The following HLCS variants were observed in gnomAD, a reference collection of about 807,000 sequenced individuals.
HLCS encodes the protein biotin--protein ligase.
HLCS carries 53 observed loss-of-function variants against 75.0 expected under a neutral mutation model. That is an observed-to-expected ratio of 0.71 (90% CI 0.57 to 0.89). The LOEUF is 0.89. Ranked by LOEUF, HLCS falls within the 40% of genes least tolerant of loss-of-function variation. The probability of loss-of-function intolerance (pLI) is 0.00; values close to 1 mark genes in which losing one functional copy is unlikely to be tolerated. For missense variants in HLCS, 966 were observed against 1,074.0 expected, an observed-to-expected ratio of 0.90 and a Z score of 1.41; for synonymous variants, 431 against 428.6, an observed-to-expected ratio of 1.01 and a Z score of -0.07.
intron 6 of HLCS, among the ~76,000 whole-genome samples, chr21:36,778,507 G>A (rs189673804): frequency 1.5e-4 from 22 of 150,558 alleles, no homozygotes; most frequent in Admixed American, 5.3e-4. Context: ...TCTAACTCCC[G>A]ACCTCAGGCG....
chr21:36,888,445 A>AAATATAT (rs2064596202), intron 6 of HLCS, among the ~76,000 whole-genome samples: 1 of 24,108 alleles, frequency 4.1e-5, no homozygotes, highest in Admixed American at 7.5e-4. Context: ...AAAAAAAAAA[A>AAATATAT]ATATATATAT....
chr21:36,966,518 C>A lies in HLCS; in HGVS notation c.121G>T (p.Ala41Ser). 2 of 987,248 alleles carry A rather than the reference C, an allele frequency of 2.0e-6. No individual in the cohort carries two copies. The highest frequency in any genetic ancestry group is 9.2e-5 in the South Asian group (2 of 21,652). The allele number at this position is 987,248 out of a possible 1,614,324, so 61.2% of individuals were successfully genotyped here. A position where few individuals can be genotyped will look rare whatever the true frequency, so the allele number is the denominator to read the frequency against. ...CGGGCGCCCGGGGGCTGCGCGGCCGCGCCGCAGAAGGTGAAGGAACAGCGC... is the reference window on the plus strand; with the variant it reads ...CGGGCGCCCGGGGGCTGCGCGGCCGAGCCGCAGAAGGTGAAGGAACAGCGC... ...ASRCSFTFCG[A>S]AAQPPGARVC... The change falls in exon 1 of 11, where the codon GCG becomes TCG. Residue 41 changes from alanine (A) to serine (S), a missense_variant. Physicochemically the swap from Ala to Ser is moderately conservative, Grantham distance 99. Coordinates refer to ENST00000674895, the MANE Select transcript of HLCS (RefSeq NM_001352514.2).
intron 6 of HLCS, among the ~76,000 whole-genome samples, chr21:36,876,189 G>A (rs911214489): frequency 6.6e-6 from 1 of 152,160 alleles, no homozygotes; most frequent in African/African-American, 2.4e-5. Context: ...GATCCAGGCT[G>A]AGAGTGCGAG....
At chr21:36,767,674 C>G (rs868585748) in intron 6 of HLCS, among the ~76,000 whole-genome samples, 1 of 152,064 alleles carries the variant, frequency 6.6e-6, no homozygotes, top group African/African-American at 2.4e-5. Context: ...CAATTCCTGA[C>G]ATTTGTTCCT....
In HLCS at chr21:36,873,463, A is replaced by G. The variant is rs1002514022; in HGVS notation, c.1892+23397T>C. On this transcript the variant is annotated intron_variant, in intron 6 of 10. Transcript: ENST00000674895. ...GAAGTGTTGTTCAAATCTTTTGCCCATTTTTAAATTGGAGTATTTGTCATT... is the reference window on the plus strand; with the variant it reads ...GAAGTGTTGTTCAAATCTTTTGCCCGTTTTTAAATTGGAGTATTTGTCATT... Among the ~76,000 whole-genome samples the G allele has an allele frequency of 7.2e-5, 11 of 152,178 alleles. 1 individual carries two copies. Among genetic ancestry groups the G allele is most frequent in the African/African-American group, 2.4e-4 (10 of 41,450 alleles).
intron 2 of HLCS, among the ~76,000 whole-genome samples, chr21:36,942,398 CAAAAAAAAAAAAAAAA>C (rs55999516): frequency 6.2e-5 from 5 of 80,972 alleles, no homozygotes; most frequent in African/African-American, 2.0e-4. Context: ...GACTCCGTCT[CAAAAAAAAAAAAAAAA>C]AAAAAAAAAA....
intron 6 of HLCS, among the ~76,000 whole-genome samples, chr21:36,879,813 G>T (rs1288700575): frequency 6.6e-6 from 1 of 152,072 alleles, no homozygotes; most frequent in Non-Finnish European, 1.5e-5. Context: ...AAGAGGCTGA[G>T]GTGGGAGGAC....
intron 5 of HLCS, among the ~76,000 whole-genome samples, chr21:36,899,738 G>C (rs1332234767): frequency 6.6e-6 from 1 of 152,242 alleles, no homozygotes; most frequent in East Asian, 1.9e-4. Context: ...CACAGGCTCT[G>C]AGGACGGAGC....
intron 6 of HLCS, among the ~76,000 whole-genome samples, chr21:36,791,886 C>T (rs912132287): frequency 3.3e-5 from 5 of 152,102 alleles, no homozygotes; most frequent in Admixed American, 2.6e-4. Flanking sequence ...AAAAGAACAA[C>T]CAAGTTAGAA....
intron 7 of HLCS, among the ~76,000 whole-genome samples, chr21:36,765,649 TTTATTA>T (rs144248260): frequency 0.01 from 1,530 of 152,262 alleles, 33 homozygotes; most frequent in African/African-American, 0.035. Context: ...TTTATTTATT[TTTATTA>T]TTATTTTTTA....
chr21:36,890,845 G>A (rs1418760481), intron 6 of HLCS, among the ~76,000 whole-genome samples: 3 of 152,170 alleles, frequency 2.0e-5, no homozygotes, highest in Non-Finnish European at 4.4e-5. Flanking sequence ...ATCTTCACCT[G>A]TGATCCTAAA....
chr21:36,963,980 G>C (rs2068439884), intron 1 of HLCS, among the ~76,000 whole-genome samples: 1 of 152,186 alleles, frequency 6.6e-6, no homozygotes, highest in Non-Finnish European at 1.5e-5. Context: ...CCAGCACTTT[G>C]GGAGGCCAAG....
intron 9 of HLCS, 66 bp from the exon 10 acceptor site, chr21:36,756,821 A>G (rs2845804): frequency 1.2e-6 from 2 of 1,610,256 alleles, no homozygotes; most frequent in East Asian, 2.2e-5. Context: ...TCTCTGCCAC[A>G]TGGAAAAAGT....
chr21:36,976,510 G>C (rs1601934248), intron 1 of HLCS, among the ~76,000 whole-genome samples: 1 of 152,022 alleles, frequency 6.6e-6, no homozygotes, highest in Non-Finnish European at 1.5e-5. Flanking sequence ...TTTGAACCCG[G>C]GAGGCAGAGG....
intron 6 of HLCS, among the ~76,000 whole-genome samples, chr21:36,860,546 G>T (rs1038642393): frequency 6.6e-6 from 1 of 152,160 alleles, no homozygotes; most frequent in African/African-American, 2.4e-5. Context: ...GAAATGCACT[G>T]TAATTTAATA....
intron 6 of HLCS, among the ~76,000 whole-genome samples, chr21:36,795,786 A>AGTGC (rs1249410030): frequency 1.3e-5 from 2 of 152,264 alleles, no homozygotes; most frequent in African/African-American, 4.8e-5. Flanking sequence ...TTCCTCCCCC[A>AGTGC]GTGCCTGGGA....
chr21:36,757,019 G>A (rs942850097), intron 9 of HLCS: 3 of 893,600 alleles, frequency 3.4e-6, no homozygotes, highest in Admixed American at 1.2e-4. Flanking sequence ...AGCCACATTT[G>A]ATTCAATTTA....
At chr21:36,891,018 C>G (rs995506962) in intron 6 of HLCS, among the ~76,000 whole-genome samples, 1 of 152,184 alleles carries the variant, frequency 6.6e-6, no homozygotes, top group Admixed American at 6.5e-5. Context: ...TGATAGAAGC[C>G]TGGTTTCCAG....
At chr21:36,797,928 G>T (rs991577747) in intron 6 of HLCS, among the ~76,000 whole-genome samples, 1 of 152,320 alleles carries the variant, frequency 6.6e-6, no homozygotes, top group Admixed American at 6.5e-5. Context: ...GGCAGGAGGA[G>T]TCAGACACTC....
Sources: allele counts gnomAD v4.1 joint callset (sites outside exome capture counted in the v4.1 genomes callset), GRCh38; gene constraint gnomAD v4.1.1; transcripts MANE v1.5; gene names NCBI Gene and HGNC (gene_info 2026-07-23, HGNC 2026-07-21).